Variants in MAZ observed in about 807,000 individuals in gnomAD.
MAZ encodes the protein MYC associated zinc finger protein.
MAZ carries 4 observed loss-of-function variants against 32.7 expected under a neutral mutation model. The observed-to-expected ratio is 0.12, with a 90% confidence interval of 0.06 to 0.28. The LOEUF (loss-of-function observed/expected upper bound fraction) is 0.28. Ranked by LOEUF, MAZ falls within the 10% of genes least tolerant of loss-of-function variation. MAZ has a pLI of 1.00. For synonymous variants in MAZ, 510 were observed against 297.6 expected, an observed-to-expected ratio of 1.71 and a Z score of -7.35; for missense variants, 763 against 667.2, an observed-to-expected ratio of 1.14 and a Z score of -1.58.
intron 2 of MAZ, 109 bp from the exon 3 acceptor site, chr16:29,808,121 C>T (rs1023384250): frequency 9.6e-5 from 106 of 1,103,560 alleles, no homozygotes; most frequent in African/African-American, 2.3e-4. Context: ...GCTGTGACGG[C>T]CTGGGCTCCG....
upstream of MAZ, chr16:29,806,200 GCC>G: frequency 3.5e-6 from 1 of 282,714 alleles, no homozygotes; most frequent in East Asian, 7.9e-5. Flanking sequence ...CCCTCCCCCC[GCC>G]CCCACCCCCC....
chr16:29,807,144 C>G lies in MAZ; in HGVS notation c.359C>G (p.Ser120Cys), dbSNP rs1899547163. 1 of 1,053,074 alleles carries G rather than the reference C, an allele frequency of 9.5e-7. No homozygotes were observed. The highest frequency in any genetic ancestry group is 1.2e-6 in the Non-Finnish European group (1 of 850,056). The allele number at this position is 1,053,074 out of a possible 1,614,324, so 65.2% of individuals were successfully genotyped here. Residue 120 changes from serine (S) to cysteine (C), a missense_variant, in exon 2 of 5, where the codon TCT (serine) becomes TGT (cysteine). Physicochemically the swap from Ser to Cys is moderately radical, Grantham distance 112 (BLOSUM62 -1). Coordinates refer to ENST00000322945, the MANE Select transcript of MAZ (RefSeq NM_002383.4). ...GCGCCCCCGGCCCCTGCCGCCGCCT[C>G]TACGGTGGACACAGCGGCCCTGAAG... ...AAAPPAPAAA[S>C]TVDTAALKQP...
At chr16:29,808,520 C>CA (rs749414801) in intron 3 of MAZ, 50 bp from the exon 4 acceptor site, 2 of 1,379,532 alleles carry the variant, frequency 1.4e-6, no homozygotes, top group African/African-American at 2.9e-5. Flanking sequence ...CCCAGCCCAC[C>CA]AAGCTTTAAC....
chr16:29,807,256 C>G lies in MAZ; in HGVS notation c.471C>G (p.Ala157=). The G allele has an allele frequency of 6.9e-7, 1 of 1,441,676 alleles. No individual in the cohort carries two copies. Among genetic ancestry groups the G allele is most frequent in the Non-Finnish European group, 9.1e-7 (1 of 1,093,762 alleles). The allele number at this position is 1,441,676 out of a possible 1,614,324, so 89.3% of individuals were successfully genotyped here. The change falls in exon 2 of 5, where the codon GCC becomes GCG. Residue 157 remains alanine, a synonymous_variant. Transcript: ENST00000322945. ...AAPPASAATI[A]AAAATAVVAP... is the part of the protein sequence containing the mutation. ...CCCCCGCCTCCGCCGCCACTATCGC[C>G]GCGGCGGCGGCCACCGCCGTCGTAG...
rs560118092 is a variant in MAZ, at chr16:29,810,310, A to C, written c.*79A>C. On this transcript the variant is annotated 3_prime_UTR_variant, in exon 5 of 5. Transcript: ENST00000322945. The stretch of plus-strand genomic sequence containing the variant: ...AAGCTCCTCTCCCCCCTCTTTTCCC[A>C]CCAACTCCTATTTCCCTACCAACCA... The C allele has an allele frequency of 7.5e-4, 1,039 of 1,383,480 alleles. No homozygotes were observed. Among genetic ancestry groups the C allele is most frequent in the Non-Finnish European group, 1.0e-3 (1,000 of 998,734 alleles). 85.7% of individuals were successfully genotyped at this position (1,383,480 alleles called of 1,614,324 possible).
intron 4 of MAZ, 182 bp downstream of exon 4, chr16:29,808,923 T>C (rs779739766): frequency 1.8e-5 from 11 of 607,388 alleles, no homozygotes; most frequent in African/African-American, 3.7e-5. Context: ...TAAGAAGTCC[T>C]GGTTGGAAGA....
intron 4 of MAZ, 89 bp from the exon 5 acceptor site, chr16:29,809,988 C>T: frequency 1.3e-6 from 2 of 1,538,156 alleles, no homozygotes; most frequent in South Asian, 2.5e-5. Context: ...GGCTGTGTCC[C>T]AGGGGAAGCA....
rs768798666 is a variant in MAZ at position 29,807,835 on chromosome 16, A to G, written c.1043+7A>G. On this transcript the variant is annotated splice_region_variant and intron_variant, in intron 2 of 4. Coordinates refer to ENST00000322945, the MANE Select transcript of MAZ (RefSeq NM_002383.4). Reference sequence around the variant, plus strand: ...GTGGCAAGAGCTTCTCCCGGTGTGCACGGGGCCTCGGCCGCCCGCTAGGCC... The same window carrying G: ...GTGGCAAGAGCTTCTCCCGGTGTGCGCGGGGCCTCGGCCGCCCGCTAGGCC... 28 of 1,601,018 alleles carry G rather than the reference A, an allele frequency of 1.7e-5. No individual in the cohort carries two copies. Among genetic ancestry groups the G allele is most frequent in the Non-Finnish European group, 2.4e-5 (28 of 1,177,290 alleles).
rs765968093 is a variant in MAZ at position 29,807,845 on chromosome 16, G to A, written c.1043+17G>A. ...CTTCTCCCGGTGTGCACGGGGCCTC[G>A]GCCGCCCGCTAGGCCGTGGGGAGGG... On this transcript the variant is annotated intron_variant, in intron 2 of 4. Transcript: ENST00000322945. The A allele has an allele frequency of 6.9e-6, 11 of 1,597,194 alleles. No individual in the cohort carries two copies. The highest frequency in any genetic ancestry group is 2.2e-5 in the East Asian group (1 of 44,718).
At chr16:29,808,779 G>C (rs746056451) in intron 4 of MAZ, 38 bp downstream of exon 4, 1 of 1,603,322 alleles carries the variant, frequency 6.2e-7, no homozygotes, top group Non-Finnish European at 8.5e-7. Flanking sequence ...CAGGGGCAGA[G>C]GGTGGGCGCC....
chr16:29,807,278 G>T lies in MAZ; in HGVS notation c.493G>T (p.Val165Leu). The T allele has an allele frequency of 6.6e-7, 1 of 1,516,174 alleles. No homozygotes were observed. The allele number at this position is 1,516,174 out of a possible 1,614,324, so 93.9% of individuals were successfully genotyped here. The change falls in exon 2 of 5, where the codon GTA becomes TTA. Residue 165 changes from valine to leucine, a missense_variant. Coordinates refer to ENST00000322945, the MANE Select transcript of MAZ (RefSeq NM_002383.4). ...CGCCGCGGCGGCGGCCACCGCCGTC[G>T]TAGCCCCAACCTCGACGGTCGCCGT... is the stretch of plus-strand genomic sequence containing the variant. ...TIAAAAATAV[V>L]APTSTVAVAP...
chr16:29,809,784 T>TG (rs752569552), intron 4 of MAZ: 29 of 1,270,466 alleles, frequency 2.3e-5, no homozygotes, highest in South Asian at 3.2e-5. Flanking sequence ...GGGGCATGGC[T>TG]GGGGGGCGGG....
In MAZ at chr16:29,807,109, C is replaced by CGTCGCTGCCGCGCCCCCG. The variant is rs893145375; in HGVS notation, c.326_343dup (p.Val109_Pro114dup). On this transcript the variant is annotated inframe_insertion, in exon 2 of 5. Transcript: ENST00000322945. ...CGGCCGCTGCCGCCGCTGCTGCCGC[C>CGTCGCTGCCGCGCCCCCG]GTCGCTGCCGCGCCCCCGGCCCCTG... The CGTCGCTGCCGCGCCCCCG allele has an allele frequency of 1.0e-6, 1 of 993,908 alleles. No individual in the cohort carries two copies. Among genetic ancestry groups the CGTCGCTGCCGCGCCCCCG allele is most frequent in the Non-Finnish European group, 1.2e-6 (1 of 821,652 alleles). The allele number at this position is 993,908 out of a possible 1,614,324, so 61.6% of individuals were successfully genotyped here. A position where few individuals can be genotyped will look rare whatever the true frequency, so the allele number is the denominator to read the frequency against.
intron 4 of MAZ, chr16:29,809,583 C>A: frequency 6.2e-7 from 1 of 1,612,562 alleles, no homozygotes; most frequent in Non-Finnish European, 8.5e-7. Flanking sequence ...CGGTGAAGGA[C>A]CACGGGCTCC....
Position 29,808,589 on chromosome 16 carries a change from C to T in MAZ, c.1127C>T (p.Ala376Val). 1 of 1,612,206 alleles carries T rather than the reference C, an allele frequency of 6.2e-7. No individual in the cohort carries two copies. ...CCTCAGAAATGTGAGGCAGCTTTCG[C>T]CACGAAGGATCGGCTGCGGGCGCAC... ...FKCEKCEAAF[A>V]TKDRLRAHTV... The change falls in exon 4 of 5, where the codon GCC (alanine) becomes GTC (valine). Residue 376 changes from alanine (A) to valine (V), a missense_variant. Physicochemically the swap from Ala to Val is moderately conservative, Grantham distance 64. Coordinates refer to ENST00000322945, the MANE Select transcript of MAZ (RefSeq NM_002383.4).
chr16:29,806,545 C>A lies in MAZ; in HGVS notation c.-157C>A. 3 of 882,762 alleles carry A rather than the reference C, an allele frequency of 3.4e-6. No individual in the cohort carries two copies. Among genetic ancestry groups the A allele is most frequent in the Non-Finnish European group, 4.0e-6 (3 of 743,054 alleles). 54.7% of individuals were successfully genotyped at this position (882,762 alleles called of 1,614,324 possible). A position where few individuals can be genotyped will look rare whatever the true frequency, so the allele number is the denominator to read the frequency against. ...CAAGGCGCCCTCTTTTCCTCCCTCCCGCCGGCCGGGGTGCGCGGGCGGCGG... is the reference window on the plus strand; with the variant it reads ...CAAGGCGCCCTCTTTTCCTCCCTCCAGCCGGCCGGGGTGCGCGGGCGGCGG... On this transcript the variant is annotated 5_prime_UTR_variant, in exon 1 of 5. Transcript: ENST00000322945.
At chr16:29,809,640 C>T (rs1014233478) in intron 4 of MAZ, 3 of 1,599,570 alleles carry the variant, frequency 1.9e-6, no homozygotes, top group Non-Finnish European at 2.6e-6. Flanking sequence ...GCAGCGTGCA[C>T]TGCAAGACCC....
In MAZ at chr16:29,808,214, C is replaced by G; in HGVS notation, c.1044-16C>G. The G allele has an allele frequency of 1.9e-6, 3 of 1,612,956 alleles. No individual in the cohort carries two copies. Among genetic ancestry groups the G allele is most frequent in the African/African-American group, 1.3e-5 (1 of 74,974 alleles). On this transcript the variant is annotated splice_polypyrimidine_tract_variant and intron_variant, in intron 2 of 4. Transcript: ENST00000322945. ...GCACCACCTCCGCCCTAACCCCAAC[C>G]CCAACGTGTCCCCAGGCCGGATCAC...
At position 29,807,762 on chromosome 16, in the gene MAZ, T is replaced by A; in HGVS notation, c.977T>A (p.Val326Glu). The A allele has an allele frequency of 6.2e-7, 1 of 1,612,542 alleles. No homozygotes were observed. The highest frequency in any genetic ancestry group is 8.5e-7 in the Non-Finnish European group (1 of 1,179,950). The change falls in exon 2 of 5, where the codon GTG becomes GAG. Residue 326 changes from valine to glutamate, a missense_variant. Physicochemically the swap from Val to Glu is moderately radical, Grantham distance 121. Coordinates refer to ENST00000322945, the MANE Select transcript of MAZ (RefSeq NM_002383.4). Reference sequence around the variant, plus strand: ...CGCAAGGACCGCATGAGCTACCACGTGCGCTCACATGACGGCGCTGTGCAC... The same window carrying A: ...CGCAAGGACCGCATGAGCTACCACGAGCGCTCACATGACGGCGCTGTGCAC... ...FKRKDRMSYH[V>E]RSHDGAVHKP...
Sources: gnomAD v4.1 joint callset for allele counts on GRCh38, gnomAD v4.1.1 for gene constraint, MANE v1.5 for transcripts, NCBI Gene and HGNC (gene_info 2026-07-23, HGNC 2026-07-21) for gene names.